Variants in C12orf43 observed in about 807,000 individuals in gnomAD.
The protein encoded by C12orf43 is protein CUSTOS.
A neutral mutation model predicts 20.6 loss-of-function variants in C12orf43; 15 were observed. That is an observed-to-expected ratio of 0.73 (90% CI 0.49 to 1.12). The LOEUF (loss-of-function observed/expected upper bound fraction) is 1.12, where lower values mean the gene tolerates loss of function less well. Among genes scored for constraint, C12orf43 ranks in the 50% most tolerant of loss-of-function variants. The pLI is 0.00. For synonymous variants in C12orf43, 144 were observed against 130.8 expected (o/e 1.10, Z -0.69); for missense variants, 334 against 344.4 (o/e 0.97, Z 0.24).
In C12orf43 at chr12:121,004,212, CCTT is replaced by C. The variant is rs1877777573; in HGVS notation, c.727_729del (p.Lys243del). The C allele has an allele frequency of 8.7e-6, 14 of 1,614,042 alleles. No homozygotes were observed. Among genetic ancestry groups the C allele is most frequent in the Non-Finnish European group, 1.2e-5 (14 of 1,180,024 alleles). The stretch of plus-strand genomic sequence containing the variant: ...GGTGGGAATGGAGAGGTCTCGCTGG[CCTT>C]CTTTGCCTTTTTCTTCTTTTTGGTC... On this transcript the variant is annotated inframe_deletion, in exon 6 of 6. Coordinates refer to ENST00000288757, the MANE Select transcript of C12orf43 (RefSeq NM_022895.3). The surrounding 1 kb of genome is among the most constrained non-coding windows in gnomAD (Gnocchi z 5.6).
intron 3 of C12orf43, chr12:121,007,297 T>A (rs1187440062): frequency 6.6e-6 from 1 of 152,214 alleles, no homozygotes; most frequent in African/African-American, 2.4e-5. Context: ...CTCGCTATAG[T>A]ACAACATCAC....
Position 121,005,063 on chromosome 12 carries a change from C to A in C12orf43, c.392G>T (p.Gly131Val). ...GFRLFFTSVPGGREKEESPQP... is the reference protein window; with the variant it reads ...GFRLFFTSVPVGREKEESPQP... ...GGGAGACTCTTCCTTCTCACGGCCT[C>A]CAGGGACAGATGTGAAGAAAAGGCG... Residue 131 changes from glycine to valine, a missense_variant, in exon 5 of 6, where the codon GGA becomes GTA. Coordinates refer to ENST00000288757, the MANE Select transcript of C12orf43 (RefSeq NM_022895.3). This position sits in a 1 kb window ranked among gnomAD's most constrained non-coding sequence, Gnocchi z 5.6. 6.7e-7 allele frequency: 1 copy of A among 1,484,128 alleles called. No individual in the cohort carries two copies. Among genetic ancestry groups the A allele is most frequent in the Non-Finnish European group, 9.0e-7 (1 of 1,109,370 alleles). 91.9% of individuals were successfully genotyped at this position (1,484,128 alleles called of 1,614,324 possible).
intron 3 of C12orf43, among the ~76,000 whole-genome samples, chr12:121,008,028 GAAGA>G (rs1368393752): frequency 0.029 from 3 of 102 alleles, no homozygotes; most frequent in Non-Finnish European, 0.06. Context: ...CCTATAATGG[GAAGA>G]AGAAGGATAG....
chr12:121,011,986 T>A (rs1252493666), intron 1 of C12orf43, among the ~76,000 whole-genome samples: 1 of 152,184 alleles, frequency 6.6e-6, no homozygotes, highest in Non-Finnish European at 1.5e-5. Flanking sequence ...AGAGAGATGA[T>A]AAACACACAT....
In C12orf43 at chr12:121,000,614, C is replaced by A; in HGVS notation, c.*3539G>T. 4.3e-6 allele frequency: 1 copy of A among 234,002 alleles called. No individual in the cohort carries two copies. The highest frequency in any genetic ancestry group is 8.6e-6 in the Non-Finnish European group (1 of 116,954). 14.5% of individuals were successfully genotyped at this position (234,002 alleles called of 1,614,324 possible). ...ATTCTGCAGCCTTGAGGCAGAATTC[C>A]TTCTCTGGGAAACCGGTTTTTGCTC... On this transcript the variant is annotated 3_prime_UTR_variant, in exon 6 of 6. Transcript: ENST00000288757.
At position 121,002,081 on chromosome 12, in the gene C12orf43, G is replaced by C. The variant is rs1877530989; in HGVS notation, c.*2072C>G. On this transcript the variant is annotated 3_prime_UTR_variant, in exon 6 of 6. Transcript: ENST00000288757. ...CGAGCGCCCTGCAGACCCTGCCCTT[G>C]TTTGGGGCAGGAGTAGCTGAGCTCA... 4 of 536,080 alleles carry C rather than the reference G, an allele frequency of 7.5e-6. No individual in the cohort carries two copies. Among genetic ancestry groups the C allele is most frequent in the South Asian group, 6.1e-5 (4 of 65,166 alleles). The allele number at this position is 536,080 out of a possible 1,614,324, so 33.2% of individuals were successfully genotyped here. A position where few individuals can be genotyped will look rare whatever the true frequency, so the allele number is the denominator to read the frequency against.
rs149651203 is a variant in C12orf43, at chr12:121,005,749, A to G, written c.361+572T>C. Among the ~76,000 whole-genome samples the G allele has an allele frequency of 4.4e-4, 67 of 152,310 alleles. No individual in the cohort carries two copies. Among genetic ancestry groups the G allele is most frequent in the African/African-American group, 1.4e-3 (59 of 41,590 alleles). ...AGGGCCTCAGTCTCCTTGTCTGTAC[A>G]TGGGGTTCAATCATAATACCTGCCT... On this transcript the variant is annotated intron_variant, in intron 4 of 5. Transcript: ENST00000288757. The surrounding 1 kb of genome is among the most constrained non-coding windows in gnomAD (Gnocchi z 5.6).
In C12orf43 at chr12:121,005,080, G is replaced by A. The variant is rs11537856; in HGVS notation, c.375C>T (p.Phe125=). ...VALEDDGFRL[F]FTSVPGGREK... Reference sequence around the variant, plus strand: ...CACGGCCTCCAGGGACAGATGTGAAGAAAAGGCGGAAACCTAAGATTCAAT... The same window carrying A: ...CACGGCCTCCAGGGACAGATGTGAAAAAAAGGCGGAAACCTAAGATTCAAT... The change falls in exon 5 of 6, where the codon TTC becomes TTT. Residue 125 remains phenylalanine, a synonymous_variant. Transcript: ENST00000288757. This position sits in a 1 kb window ranked among gnomAD's most constrained non-coding sequence, Gnocchi z 5.6. The A allele has an allele frequency of 0.052, 74,589 of 1,426,036 alleles. 2,231 individuals carry two copies. The highest frequency in any genetic ancestry group is 0.08 in the South Asian group (5,122 of 64,228). The allele number at this position is 1,426,036 out of a possible 1,614,324, so 88.3% of individuals were successfully genotyped here.
intron 3 of C12orf43, 146 bp from the exon 4 acceptor site, chr12:121,006,540 G>A: frequency 1.4e-6 from 1 of 709,760 alleles, no homozygotes; most frequent in Admixed American, 2.3e-5. Flanking sequence ...CTGATGGTCT[G>A]GTTATAACAT....
chr12:121,004,514 G>T lies in C12orf43; in HGVS notation c.453-25C>A. The T allele has an allele frequency of 6.4e-7, 1 of 1,564,024 alleles. No homozygotes were observed. The highest frequency in any genetic ancestry group is 8.6e-7 in the Non-Finnish European group (1 of 1,158,230). On this transcript the variant is annotated intron_variant, in intron 5 of 5. Coordinates refer to ENST00000288757, the MANE Select transcript of C12orf43 (RefSeq NM_022895.3). This position sits in a 1 kb window ranked among gnomAD's most constrained non-coding sequence, Gnocchi z 5.6. ...ACTGCTGCAACGAGAGGGTACCCTGGGTTAGCTGGAGTCAGGACACAGCCC... is the reference window on the plus strand; with the variant it reads ...ACTGCTGCAACGAGAGGGTACCCTGTGTTAGCTGGAGTCAGGACACAGCCC...
chr12:121,012,494 C>T (rs1291215881), intron 1 of C12orf43: 1 of 702,476 alleles, frequency 1.4e-6, no homozygotes, highest in Non-Finnish European at 2.6e-6. Flanking sequence ...AAGGCAGGAA[C>T]ACGGAGTCTG....
intron 3 of C12orf43, among the ~76,000 whole-genome samples, chr12:121,008,547 C>A (rs1443344715): frequency 6.6e-6 from 1 of 152,228 alleles, no homozygotes; most frequent in Non-Finnish European, 1.5e-5. Flanking sequence ...CAGTGCAATG[C>A]CAAGCAGGCC....
Position 121,001,766 on chromosome 12 carries a change from T to C in C12orf43, c.*2387A>G, listed in dbSNP as rs1377832195. ...CTCACACAGGCATTTCCTGGGTGGC[T>C]ACTCTGTGCCAGAGCCTGGGGCTCT... On this transcript the variant is annotated 3_prime_UTR_variant, in exon 6 of 6. Coordinates refer to ENST00000288757, the MANE Select transcript of C12orf43 (RefSeq NM_022895.3). 12 of 535,468 alleles carry C rather than the reference T, an allele frequency of 2.2e-5. No homozygotes were observed. The highest frequency in any genetic ancestry group is 3.3e-5 in the Non-Finnish European group (9 of 276,104). The allele number at this position is 535,468 out of a possible 1,614,324, so 33.2% of individuals were successfully genotyped here.
At chr12:121,009,413 G>A (rs971875388) in intron 3 of C12orf43, among the ~76,000 whole-genome samples, 8 of 152,134 alleles carry the variant, frequency 5.3e-5, no homozygotes, top group Admixed American at 2.6e-4. Flanking sequence ...CCGAGATCAC[G>A]CCACTGTGCT....
chr12:121,011,449 A>G (rs907076934), intron 1 of C12orf43, among the ~76,000 whole-genome samples: 20 of 148,274 alleles, frequency 1.3e-4, no homozygotes, highest in Non-Finnish European at 3.0e-5. Flanking sequence ...AGTTATATAT[A>G]TAAAACTTAA....
At chr12:121,009,314 G>C (rs562498941) in intron 3 of C12orf43, among the ~76,000 whole-genome samples, 1 of 152,236 alleles carries the variant, frequency 6.6e-6, no homozygotes, top group East Asian at 1.9e-4. Context: ...AATTAGCCAA[G>C]CGTGGTGGGT....
chr12:121,016,431 T>C lies in C12orf43; in HGVS notation c.44A>G (p.Asn15Ser). The change falls in exon 1 of 6, where the codon AAC becomes AGC. Residue 15 changes from asparagine to serine, a missense_variant. By Grantham distance (46) the Asn-to-Ser change is conservative. Coordinates refer to ENST00000288757, the MANE Select transcript of C12orf43 (RefSeq NM_022895.3). ...SGTVSDSESS[N>S]SSSDAEELER... ...CAGCTCCTCCGCATCGCTACTGCTG[T>C]TACTACTTTCCGAATCGCTCACTGT... 6.2e-7 allele frequency: 1 copy of C among 1,614,070 alleles called. No homozygotes were observed. Among genetic ancestry groups the C allele is most frequent in the Non-Finnish European group, 8.5e-7 (1 of 1,180,022 alleles).
intron 1 of C12orf43, among the ~76,000 whole-genome samples, chr12:121,013,251 T>C (rs1592922222): frequency 2.0e-5 from 3 of 152,174 alleles, no homozygotes. Flanking sequence ...CTTCAGCACA[T>C]AATCACTTGG....
intron 3 of C12orf43, 33 bp downstream of exon 3, chr12:121,010,795 G>A: frequency 6.4e-7 from 1 of 1,550,836 alleles, no homozygotes; most frequent in Non-Finnish European, 8.8e-7. Context: ...ATATTAACAA[G>A]GGCAAGAGAG....
Sources: allele counts gnomAD v4.1 joint callset (sites outside exome capture counted in the v4.1 genomes callset), GRCh38; gene constraint gnomAD v4.1.1; non-coding constraint Gnocchi (gnomAD v3.1); transcripts MANE v1.5; gene names NCBI Gene and HGNC (gene_info 2026-07-23, HGNC 2026-07-21).